The following ZMYM2 variants were observed in gnomAD, a reference collection of about 807,000 sequenced individuals.
ZMYM2 encodes the protein zinc finger MYM-type containing 2.
Under a neutral mutation model 162.8 loss-of-function variants are expected in ZMYM2, and 56 were observed. The observed-to-expected ratio is 0.34, with a 90% CI of 0.28 to 0.43. ZMYM2 has a LOEUF of 0.43. ZMYM2 is among the 20% of genes least tolerant of loss of function. The pLI is 1.00. For synonymous variants in ZMYM2, 510 were observed against 541.6 expected, an observed-to-expected ratio of 0.94 and a Z score of 0.81; for missense variants, 1,275 against 1,621.8, an observed-to-expected ratio of 0.79 and a Z score of 3.67.
At chr13:20,067,509 G>GT (rs1197015817) in intron 21 of ZMYM2, 119 bp downstream of exon 21, 18 of 1,044,898 alleles carry the variant, frequency 1.7e-5, no homozygotes, top group Non-Finnish European at 1.3e-6. Context: ...CTACAAAGTT[G>GT]TATGTTTGCT....
At chr13:20,028,732 G>C (rs1176522387) in intron 9 of ZMYM2, among the ~76,000 whole-genome samples, 1 of 151,792 alleles carries the variant, frequency 6.6e-6, no homozygotes, top group Non-Finnish European at 1.5e-5. Flanking sequence ...GCTATGTAAA[G>C]AGTTGTTATA....
At chr13:19,977,068 TTCTGATTAGTATAGCCAC>T (rs1293010459) in intron 2 of ZMYM2, among the ~76,000 whole-genome samples, 2 of 152,266 alleles carry the variant, frequency 1.3e-5, no homozygotes, top group African/African-American at 2.4e-5. Context: ...TAAAGTTAAT[TTCTGATTAGTATAGCCAC>T]TCCAATTCTC....
At chr13:19,886,225 C>T in the ZMYM2 span, among the ~76,000 whole-genome samples, 1,861 of 127,358 alleles carry the variant, frequency 0.015, 22 homozygotes, top group Non-Finnish European at 0.022. Context: ...AGTGCGATGG[C>T]GCAATCTCGG....
chr13:19,966,117 T>G (rs1955744288), intron 2 of ZMYM2, among the ~76,000 whole-genome samples: 1 of 147,824 alleles, frequency 6.8e-6, no homozygotes, highest in East Asian at 2.0e-4. Context: ...TTTGCTTGTT[T>G]TTTTTTTTGT....
At chr13:19,891,223 A>C in the ZMYM2 span, among the ~76,000 whole-genome samples, 1 of 151,870 alleles carries the variant, frequency 6.6e-6, no homozygotes, top group Non-Finnish European at 1.5e-5. Context: ...GAAGAGATAT[A>C]AGAGAGCTTT....
At chr13:20,016,535 T>C (rs1278720295) in intron 6 of ZMYM2, among the ~76,000 whole-genome samples, 1 of 152,218 alleles carries the variant, frequency 6.6e-6, no homozygotes, top group Non-Finnish European at 1.5e-5. Context: ...AGGGTAGATT[T>C]AGTGGCAACA....
chr13:19,884,303 GTGGC>G, the ZMYM2 span, among the ~76,000 whole-genome samples: 1 of 152,148 alleles, frequency 6.6e-6, no homozygotes, highest in Non-Finnish European at 1.5e-5. Context: ...GCGGGGTGCT[GTGGC>G]TGCCGCTTGT....
chr13:19,915,509 T>G, the ZMYM2 span, among the ~76,000 whole-genome samples: 1 of 151,968 alleles, frequency 6.6e-6, no homozygotes. Flanking sequence ...TCTACTTTCT[T>G]TTTTCTTTTT....
intron 12 of ZMYM2, among the ~76,000 whole-genome samples, chr13:20,045,155 A>G (rs1000929027): frequency 6.6e-6 from 1 of 152,076 alleles, no homozygotes; most frequent in African/African-American, 2.4e-5. Context: ...TATGGAGAAC[A>G]GTATTTAGTT....
At chr13:19,957,868 C>G (rs1164250054), upstream of ZMYM2, among the ~76,000 whole-genome samples, 4 of 152,230 alleles carry the variant, frequency 2.6e-5, no homozygotes, top group Non-Finnish European at 4.4e-5. Context: ...GCGTCTGGGT[C>G]TCTCCACCGT....
In ZMYM2 at chr13:20,026,542, G is replaced by C. The variant is rs916535976; in HGVS notation, c.1585-70G>C. Reference sequence around the variant, plus strand: ...GTTTTGCAGAGGCAAAAAGTGTAATGAAAAATTGGTAATTCTTTTCTAGTT... The same window carrying C: ...GTTTTGCAGAGGCAAAAAGTGTAATCAAAAATTGGTAATTCTTTTCTAGTT... On this transcript the variant is annotated intron_variant, in intron 7 of 24. Coordinates refer to ENST00000610343, the MANE Select transcript of ZMYM2 (RefSeq NM_197968.4). 1.8e-5 allele frequency: 26 copies of C among 1,469,910 alleles called. No individual in the cohort carries two copies. The African/African-American group carries it at 3.3e-4, about 19-fold the overall frequency. The allele number at this position is 1,469,910 out of a possible 1,614,324, so 91.1% of individuals were successfully genotyped here.
intron 2 of ZMYM2, among the ~76,000 whole-genome samples, chr13:19,989,592 G>A (rs531411385): frequency 1.3e-5 from 2 of 152,244 alleles, no homozygotes; most frequent in Admixed American, 6.5e-5. Flanking sequence ...TCTGATACAG[G>A]CATGCATTGT....
chr13:19,936,893 T>C, the ZMYM2 span, among the ~76,000 whole-genome samples: 2 of 152,060 alleles, frequency 1.3e-5, no homozygotes, highest in Non-Finnish European at 2.9e-5. Flanking sequence ...TATTAGAAAA[T>C]AGACTAATTC....
chr13:19,903,878 T>A, the ZMYM2 span, among the ~76,000 whole-genome samples: 1 of 151,924 alleles, frequency 6.6e-6, no homozygotes, highest in East Asian at 1.9e-4. Flanking sequence ...TAAATAATAA[T>A]ATTAATAAAA....
chr13:19,984,243 A>G (rs1343377365), intron 2 of ZMYM2, among the ~76,000 whole-genome samples: 1 of 152,130 alleles, frequency 6.6e-6, no homozygotes, highest in Non-Finnish European at 1.5e-5. Flanking sequence ...TTACCTTTTC[A>G]TTGTTTTTTC....
intron 21 of ZMYM2, among the ~76,000 whole-genome samples, chr13:20,078,541 T>C (rs535431137): frequency 6.6e-6 from 1 of 152,302 alleles, no homozygotes; most frequent in South Asian, 2.1e-4. Flanking sequence ...TTTTCAACTC[T>C]CTGTTAGCTG....
chr13:20,084,419 A>G (rs147181101), intron 24 of ZMYM2, among the ~76,000 whole-genome samples: 16 of 152,296 alleles, frequency 1.1e-4, no homozygotes, highest in African/African-American at 3.9e-4. Flanking sequence ...CTATGGAATC[A>G]CTATTGTAAC....
At chr13:19,878,517 CTTTTTTTT>C in the ZMYM2 span, among the ~76,000 whole-genome samples, 5 of 99,028 alleles carry the variant, frequency 5.0e-5, no homozygotes, top group Non-Finnish European at 6.3e-5. Context: ...TTCCTTTGCC[CTTTTTTTT>C]TTTTTTTTTT....
At chr13:20,048,819 T>TC (rs1491088074) in intron 12 of ZMYM2, among the ~76,000 whole-genome samples, 1 of 129,144 alleles carries the variant, frequency 7.7e-6, no homozygotes, top group African/African-American at 2.6e-5. Context: ...TTTTTTTTTT[T>TC]CCCCCTCCCT....
Sources: allele counts gnomAD v4.1 joint callset (sites outside exome capture counted in the v4.1 genomes callset), GRCh38; gene constraint gnomAD v4.1.1; transcripts MANE v1.5; gene names NCBI Gene and HGNC (gene_info 2026-07-23, HGNC 2026-07-21).